The following VSNL1 variants were observed in gnomAD, a reference collection of about 807,000 sequenced individuals.
The protein encoded by VSNL1 is visinin like 1, also known as visinin-like protein 1.
In VSNL1, 6 loss-of-function variants were observed where a neutral mutation model predicts 20.4. The ratio of observed to expected loss-of-function variants is 0.29; its 90% CI spans 0.16 to 0.58. The LOEUF (loss-of-function observed/expected upper bound fraction) is 0.58, where lower values mean the gene tolerates loss of function less well. Among genes scored for constraint, VSNL1 ranks in the 20% least tolerant of loss-of-function variants. The pLI is 0.90. For synonymous variants in VSNL1, 93 were observed against 86.4 expected, an observed-to-expected ratio of 1.08 and a Z score of -0.42; for missense variants, 100 against 234.5, an observed-to-expected ratio of 0.43 and a Z score of 3.75.
At chr2:17,580,999 A>C (rs1057316589) in intron 1 of VSNL1, among the ~76,000 whole-genome samples, 3 of 152,178 alleles carry the variant, frequency 2.0e-5, no homozygotes, top group African/African-American at 7.2e-5. Flanking sequence ...GAACTGACCA[A>C]ACTTCCTGTG....
At chr2:17,605,027 G>T in intron 2 of VSNL1, among the ~76,000 whole-genome samples, 1 of 152,204 alleles carries the variant, frequency 6.6e-6, no homozygotes, top group African/African-American at 2.4e-5. Flanking sequence ...TACAGGGTTT[G>T]AATCCAGGTT....
chr2:17,638,489 A>T (rs1665808566), intron 2 of VSNL1, among the ~76,000 whole-genome samples: 1 of 152,216 alleles, frequency 6.6e-6, no homozygotes, highest in Admixed American at 6.5e-5. Flanking sequence ...AAACAGGCCC[A>T]GATGGTTGAA....
intron 2 of VSNL1, among the ~76,000 whole-genome samples, chr2:17,611,015 A>G (rs761016579): frequency 4.6e-5 from 7 of 152,232 alleles, no homozygotes; most frequent in Non-Finnish European, 8.8e-5. Context: ...AGACCCTACT[A>G]TGTGTTAAAT....
intron 1 of VSNL1, among the ~76,000 whole-genome samples, chr2:17,553,252 T>C (rs557355427): frequency 2.0e-5 from 3 of 152,354 alleles, no homozygotes; most frequent in South Asian, 4.1e-4. Context: ...GTAGCTAATG[T>C]CTAATGGCTC....
intron 2 of VSNL1, among the ~76,000 whole-genome samples, chr2:17,610,732 T>G (rs1045896802): frequency 3.3e-5 from 5 of 152,186 alleles, no homozygotes; most frequent in Non-Finnish European, 5.9e-5. Context: ...GATTGCGATG[T>G]GTCAGTGACA....
chr2:17,639,591 G>A (rs937588730), intron 2 of VSNL1, among the ~76,000 whole-genome samples: 1 of 152,174 alleles, frequency 6.6e-6, no homozygotes, highest in African/African-American at 2.4e-5. Flanking sequence ...AAGAATATAT[G>A]TACTCTTTAA....
intron 1 of VSNL1, among the ~76,000 whole-genome samples, chr2:17,551,253 A>G (rs1663528428): frequency 6.6e-6 from 1 of 152,152 alleles, no homozygotes; most frequent in South Asian, 2.1e-4. Context: ...AGCAAGTAAT[A>G]CAAGAGGGAA....
chr2:17,644,466 G>A (rs1358434691), intron 2 of VSNL1, among the ~76,000 whole-genome samples: 1 of 152,208 alleles, frequency 6.6e-6, no homozygotes, highest in Non-Finnish European at 1.5e-5. Flanking sequence ...GAGCCTCTGA[G>A]ATACAGTGTA....
chr2:17,611,623 A>T (rs1410438104), intron 2 of VSNL1, among the ~76,000 whole-genome samples: 1 of 152,188 alleles, frequency 6.6e-6, no homozygotes, highest in Non-Finnish European at 1.5e-5. Context: ...CAAACTCCCC[A>T]GACTGGGCCA....
chr2:17,631,987 A>G (rs1665642755), intron 2 of VSNL1, among the ~76,000 whole-genome samples: 1 of 152,156 alleles, frequency 6.6e-6, no homozygotes, highest in Non-Finnish European at 1.5e-5. Context: ...CCCGGGTTCA[A>G]GTAATTCTCC....
intron 2 of VSNL1, among the ~76,000 whole-genome samples, chr2:17,646,155 G>GAC (rs1665990586): frequency 6.6e-6 from 1 of 151,966 alleles, no homozygotes; most frequent in South Asian, 2.1e-4. Flanking sequence ...CACTGTCCTT[G>GAC]ACACATAGCA....
At position 17,542,297 on chromosome 2, in the gene VSNL1, A is replaced by G. The variant is rs77996246; in HGVS notation, c.-6+1379A>G. Reference sequence around the variant, plus strand: ...ACTCTCATTAAGCCTTGGGTATTTAATAACCCCAGAAAATGCTGCACTGAA... The same window carrying G: ...ACTCTCATTAAGCCTTGGGTATTTAGTAACCCCAGAAAATGCTGCACTGAA... On this transcript the variant is annotated intron_variant, in intron 1 of 3. Coordinates refer to ENST00000295156, the MANE Select transcript of VSNL1 (RefSeq NM_003385.5). Among the ~76,000 whole-genome samples the G allele has an allele frequency of 6.4e-4, 98 of 152,300 alleles. No individual in the cohort carries two copies. The East Asian group carries it at 0.018, about 29-fold the overall frequency.
rs556824469 is a variant in VSNL1 at position 17,584,447 on chromosome 2, C to T, written c.-5-7623C>T. ...TGCCATTTGATTATGCCATTTTGACCCTTTGCAGATCAGAGCCCCTGGACA... is the reference window on the plus strand; with the variant it reads ...TGCCATTTGATTATGCCATTTTGACTCTTTGCAGATCAGAGCCCCTGGACA... On this transcript the variant is annotated intron_variant, in intron 1 of 3. Coordinates refer to ENST00000295156, the MANE Select transcript of VSNL1 (RefSeq NM_003385.5). Among the ~76,000 whole-genome samples, 4 of 152,188 alleles carry T rather than the reference C, an allele frequency of 2.6e-5. No individual in the cohort carries two copies. The East Asian group carries it at 7.7e-4, about 29-fold the overall frequency.
At chr2:17,588,177 T>G (rs1664522050) in intron 1 of VSNL1, among the ~76,000 whole-genome samples, 1 of 152,222 alleles carries the variant, frequency 6.6e-6, no homozygotes, top group Non-Finnish European at 1.5e-5. Context: ...GTCCCCTCCC[T>G]TCTTCGGTAA....
At chr2:17,599,903 T>C (rs1664788490) in intron 2 of VSNL1, among the ~76,000 whole-genome samples, 1 of 152,096 alleles carries the variant, frequency 6.6e-6, no homozygotes, top group Non-Finnish European at 1.5e-5. Context: ...GGTTCTCCAG[T>C]TTATCTTGTG....
intron 2 of VSNL1, among the ~76,000 whole-genome samples, chr2:17,646,400 C>T (rs1315305027): frequency 6.6e-6 from 1 of 152,212 alleles, no homozygotes; most frequent in Non-Finnish European, 1.5e-5. Context: ...AGATAAATCT[C>T]AAGGTGTGGC....
At chr2:17,587,354 C>T (rs1228042896) in intron 1 of VSNL1, among the ~76,000 whole-genome samples, 1 of 135,952 alleles carries the variant, frequency 7.4e-6, no homozygotes, top group Non-Finnish European at 1.6e-5. Flanking sequence ...GGGCAACACA[C>T]ACACACACAC....
At chr2:17,561,500 T>C (rs1572333038) in intron 1 of VSNL1, among the ~76,000 whole-genome samples, 1 of 152,116 alleles carries the variant, frequency 6.6e-6, no homozygotes, top group Non-Finnish European at 1.5e-5. Flanking sequence ...TGATGAATCT[T>C]CCAAGCAGTA....
At chr2:17,592,589 T>A (rs945194872) in intron 2 of VSNL1, among the ~76,000 whole-genome samples, 1 of 148,696 alleles carries the variant, frequency 6.7e-6, no homozygotes, top group African/African-American at 2.5e-5. Flanking sequence ...GTATATGTAC[T>A]TCTCCCAGTT....
Sources: gnomAD v4.1 joint callset for allele counts (sites outside exome capture counted in the v4.1 genomes callset) on GRCh38, gnomAD v4.1.1 for gene constraint, MANE v1.5 for transcripts, NCBI Gene and HGNC (gene_info 2026-07-23, HGNC 2026-07-21) for gene names.